The following DDX60L variants were observed in gnomAD, a reference collection of about 807,000 sequenced individuals.
DDX60L encodes the protein DExD/H-box 60 like.
Under a neutral mutation model 211.6 loss-of-function variants are expected in DDX60L, and 191 were observed. The ratio of observed to expected loss-of-function variants is 0.90; its 90% CI spans 0.80 to 1.02. The LOEUF (loss-of-function observed/expected upper bound fraction) is 1.02, where lower values mean the gene tolerates loss of function less well. DDX60L is among the 50% of genes least tolerant of loss of function. The pLI, the probability that DDX60L is intolerant of heterozygous loss-of-function variation, is 0.00. For missense variants in DDX60L, 2,007 were observed against 1,984.1 expected (o/e 1.01, Z -0.22); for synonymous variants, 706 against 694.1 (o/e 1.02, Z -0.27).
intron 27 of DDX60L, 87 bp downstream of exon 27, chr4:168,395,872 G>T: frequency 3.3e-6 from 3 of 915,356 alleles, no homozygotes; most frequent in Non-Finnish European, 5.2e-6. Flanking sequence ...TATTACACAA[G>T]TCATTTCAGT....
Position 168,379,823 on chromosome 4 carries a change from G to A in DDX60L, c.4124C>T (p.Ser1375Leu). 6.2e-7 allele frequency: 1 copy of A among 1,603,110 alleles called. No homozygotes were observed. Among genetic ancestry groups the A allele is most frequent in the Non-Finnish European group, 8.5e-7 (1 of 1,174,516 alleles). ...AGACAGCAATGAATGCTTTAGCACT[G>A]ACAACACCTATAAAAGAAGAGTACT... ...DPEDAKAKVL[S>L]VLKHSLLSFK... The change falls in exon 31 of 38, where the codon TCA becomes TTA. Residue 1375 changes from serine to leucine, a missense_variant. By Grantham distance (145) the Ser-to-Leu change is moderately radical. Coordinates refer to ENST00000682922, the MANE Select transcript of DDX60L (RefSeq NM_001012967.3).
chr4:168,367,023 A>C (rs1462857761), intron 36 of DDX60L, among the ~76,000 whole-genome samples: 2 of 152,010 alleles, frequency 1.3e-5, no homozygotes, highest in Non-Finnish European at 2.9e-5. Context: ...AACATATTAA[A>C]TATAATAGCA....
intron 10 of DDX60L, among the ~76,000 whole-genome samples, chr4:168,435,508 C>T (rs906219056): frequency 6.6e-6 from 1 of 152,128 alleles, no homozygotes; most frequent in Non-Finnish European, 1.5e-5. Flanking sequence ...AAATTTAACC[C>T]TATGATGACT....
chr4:168,477,898 T>C (rs1481796103), intron 1 of DDX60L, among the ~76,000 whole-genome samples: 1 of 152,122 alleles, frequency 6.6e-6, no homozygotes, highest in Non-Finnish European at 1.5e-5. Context: ...AGAAATGTCT[T>C]AAGAAGGAAC....
At chr4:168,432,196 C>A (rs1752452022) in intron 12 of DDX60L, among the ~76,000 whole-genome samples, 1 of 150,870 alleles carries the variant, frequency 6.6e-6, no homozygotes. Flanking sequence ...TTTTTTCAGA[C>A]AGCATGCTTC....
rs770079691 is a variant in DDX60L, at chr4:168,358,231, G to A, written c.5037C>T (p.Val1679=). The change falls in exon 38 of 38, where the codon GTC becomes GTT. Residue 1679 remains valine, a synonymous_variant. Transcript: ENST00000682922. The stretch of plus-strand genomic sequence containing the variant: ...TTTGACTCAATTGTTTAAATGCCAG[G>A]ACTACATTGTCACGCTTATTTTCAC... The part of the protein sequence containing the change: ...ELCENKRDNV[V]LAFKQLSQTF... 1 of 1,602,438 alleles carries A rather than the reference G, an allele frequency of 6.2e-7. No homozygotes were observed. The highest frequency in any genetic ancestry group is 8.5e-7 in the Non-Finnish European group (1 of 1,173,608).
intron 3 of DDX60L, 90 bp downstream of exon 3, chr4:168,472,365 G>T: frequency 2.1e-6 from 2 of 939,568 alleles, no homozygotes; most frequent in Non-Finnish European, 3.2e-6. Flanking sequence ...TAGGTTGAGT[G>T]ATCATGTATA....
At chr4:168,450,518 G>A (rs1345858840) in intron 8 of DDX60L, among the ~76,000 whole-genome samples, 1 of 151,360 alleles carries the variant, frequency 6.6e-6, no homozygotes, top group Non-Finnish European at 1.5e-5. Flanking sequence ...CAACTCCAAG[G>A]AAAGAGTTGC....
chr4:168,419,119 C>T (rs1322836897), intron 19 of DDX60L, among the ~76,000 whole-genome samples, 183 bp downstream of exon 19: 2 of 152,150 alleles, frequency 1.3e-5, no homozygotes, highest in Non-Finnish European at 2.9e-5. Context: ...TGTAAACAGC[C>T]CCTTAGTAAA....
At chr4:168,387,767 G>A (rs141236427) in intron 29 of DDX60L, among the ~76,000 whole-genome samples, 11 of 152,240 alleles carry the variant, frequency 7.2e-5, no homozygotes, top group East Asian at 3.9e-4. Context: ...AGATGACTCC[G>A]GAGTGAAAAA....
chr4:168,461,785 G>A lies in DDX60L; in HGVS notation c.520C>T (p.Leu174Phe). Residue 174 changes from leucine (L) to phenylalanine (F), a missense_variant, in exon 5 of 38, where the codon CTT (leucine) becomes TTT (phenylalanine). Coordinates refer to ENST00000682922, the MANE Select transcript of DDX60L (RefSeq NM_001012967.3). ...GTATCAGATTCATGCCCTGATGAAA[G>A]CACAACATTGACTTTCATTCCCCAG... ...HSWGMKVNVV[L>F]SSGHESDTLR... is the part of the protein sequence containing the mutation. The A allele has an allele frequency of 6.2e-7, 1 of 1,604,522 alleles. No individual in the cohort carries two copies. Among genetic ancestry groups the A allele is most frequent in the Non-Finnish European group, 8.5e-7 (1 of 1,174,404 alleles).
In DDX60L at chr4:168,431,398, G is replaced by A. The variant is rs1752316683; in HGVS notation, c.1517-760C>T. On this transcript the variant is annotated intron_variant, in intron 12 of 37. Coordinates refer to ENST00000682922, the MANE Select transcript of DDX60L (RefSeq NM_001012967.3). Reference sequence around the variant, plus strand: ...AACCACTCTGGAAACACACCATGCAGAATCTTCGTAGACACTTACATAAAT... The same window carrying A: ...AACCACTCTGGAAACACACCATGCAAAATCTTCGTAGACACTTACATAAAT... Among the ~76,000 whole-genome samples, 3 of 152,240 alleles carry A rather than the reference G, an allele frequency of 2.0e-5. No homozygotes were observed. The South Asian group carries it at 6.2e-4, about 32-fold the overall frequency.
intron 36 of DDX60L, among the ~76,000 whole-genome samples, chr4:168,361,887 C>A (rs530915682): frequency 1.7e-3 from 259 of 152,284 alleles, no homozygotes; most frequent in African/African-American, 5.8e-3. Flanking sequence ...TTGTGTATCT[C>A]CTCCTTCATG....
In DDX60L at chr4:168,406,682, C is replaced by A; in HGVS notation, c.3004G>T (p.Asp1002Tyr). 1 of 1,603,320 alleles carries A rather than the reference C, an allele frequency of 6.2e-7. No individual in the cohort carries two copies. The highest frequency in any genetic ancestry group is 1.1e-5 in the South Asian group (1 of 88,416). Reference protein sequence around the residue: ...DIIEKYGFPPDLTLTPQESIQ... With the variant: ...DIIEKYGFPPYLTLTPQESIQ... ...CTTTCTTGAGGGGTGAGGGTAAGATCAGGTGGGAATCCATACTTTTCAATC... is the reference window on the plus strand; with the variant it reads ...CTTTCTTGAGGGGTGAGGGTAAGATAAGGTGGGAATCCATACTTTTCAATC... Residue 1002 changes from aspartate (D) to tyrosine (Y), a missense_variant, in exon 23 of 38, where the codon GAT (aspartate) becomes TAT (tyrosine). Transcript: ENST00000682922.
intron 33 of DDX60L, among the ~76,000 whole-genome samples, chr4:168,376,768 A>G (rs1742015503): frequency 6.6e-6 from 1 of 152,194 alleles, no homozygotes; most frequent in Admixed American, 6.5e-5. Flanking sequence ...CACCTTCTCG[A>G]ATGTGTATGC....
At chr4:168,395,544 T>C (rs1408893912) in intron 27 of DDX60L, among the ~76,000 whole-genome samples, 2 of 152,214 alleles carry the variant, frequency 1.3e-5, no homozygotes, top group Non-Finnish European at 2.9e-5. Context: ...TGCCATACCA[T>C]CCTTGGATAT....
Position 168,379,479 on chromosome 4 carries a change from G to A in DDX60L, c.4247C>T (p.Pro1416Leu). Reference sequence around the variant, plus strand: ...TGATGCAAGTCCTGCAAATTTCTTTGGATTACCCTTTTTATTTAAATAGTC... The same window carrying A: ...TGATGCAAGTCCTGCAAATTTCTTTAGATTACCCTTTTTATTTAAATAGTC... ...KEDYLNKKGN[P>L]KKFAGLASYL... The change falls in exon 32 of 38, where the codon CCA becomes CTA. Residue 1416 changes from proline to leucine, a missense_variant. Physicochemically the swap from Pro to Leu is moderately conservative, Grantham distance 98. Coordinates refer to ENST00000682922, the MANE Select transcript of DDX60L (RefSeq NM_001012967.3). 6.3e-7 allele frequency: 1 copy of A among 1,582,024 alleles called. No homozygotes were observed. Among genetic ancestry groups the A allele is most frequent in the South Asian group, 1.2e-5 (1 of 84,470 alleles).
chr4:168,370,545 AT>A (rs1740823707), intron 36 of DDX60L, among the ~76,000 whole-genome samples: 1 of 152,124 alleles, frequency 6.6e-6, no homozygotes, highest in Admixed American at 6.6e-5. Context: ...AGTTAACAGC[AT>A]TGTATTGTAG....
At chr4:168,431,002 T>TA (rs1249817312) in intron 12 of DDX60L, among the ~76,000 whole-genome samples, 1 of 152,238 alleles carries the variant, frequency 6.6e-6, no homozygotes, top group Non-Finnish European at 1.5e-5. Flanking sequence ...TAAATGATTA[T>TA]ATGAGTACCT....
Sources: gnomAD v4.1 joint callset for allele counts (sites outside exome capture counted in the v4.1 genomes callset) on GRCh38, gnomAD v4.1.1 for gene constraint, MANE v1.5 for transcripts, NCBI Gene and HGNC (gene_info 2026-07-23, HGNC 2026-07-21) for gene names.